The following CNTN6 variants were observed in gnomAD, a reference collection of about 807,000 sequenced individuals.
The protein encoded by CNTN6 is contactin-6.
In CNTN6, 137 loss-of-function variants were observed where a neutral mutation model predicts 122.8. The ratio of observed to expected loss-of-function variants is 1.12; its 90% CI spans 0.97 to 1.29. The LOEUF (loss-of-function observed/expected upper bound fraction) is 1.29. Ranked by LOEUF, CNTN6 falls within the 50% of genes most tolerant of loss-of-function variation. The probability of loss-of-function intolerance (pLI) is 0.00; values close to 1 mark genes in which losing one functional copy is unlikely to be tolerated. For synonymous variants in CNTN6, 570 were observed against 426.0 expected, an observed-to-expected ratio of 1.34 and a Z score of -4.16; for missense variants, 1,634 against 1,223.4, an observed-to-expected ratio of 1.34 and a Z score of -5.01.
intron 7 of CNTN6, among the ~76,000 whole-genome samples, chr3:1,304,585 G>A (rs1360742391): frequency 3.9e-5 from 6 of 152,034 alleles, no homozygotes; most frequent in African/African-American, 1.4e-4. Flanking sequence ...AAAGAATTCA[G>A]CAAAATGTTA....
At chr3:1,288,930 T>C (rs1192092555) in intron 5 of CNTN6, among the ~76,000 whole-genome samples, 2 of 152,132 alleles carry the variant, frequency 1.3e-5, no homozygotes, top group Non-Finnish European at 2.9e-5. Flanking sequence ...AATAATAAAA[T>C]TGTAGAGGAC....
rs116889570 is a variant in CNTN6 at position 1,185,742 on chromosome 3, T to C, written c.56-34945T>C. 7.2e-5 allele frequency among the ~76,000 whole-genome samples: 11 copies of C among 152,286 alleles called. No homozygotes were observed. In the East Asian group the frequency reaches 1.7e-3, roughly 24 times the overall value. ...TTCAAATCCTTGCTGTGCCCCTCTGTAAGCTTGAATAAATTATTTAATCCC... is the reference window on the plus strand; with the variant it reads ...TTCAAATCCTTGCTGTGCCCCTCTGCAAGCTTGAATAAATTATTTAATCCC... On this transcript the variant is annotated intron_variant, in intron 2 of 22. Coordinates refer to ENST00000446702, the MANE Select transcript of CNTN6 (RefSeq NM_001289080.2).
intron 11 of CNTN6, among the ~76,000 whole-genome samples, chr3:1,333,511 T>C (rs748222176): frequency 9.2e-5 from 14 of 152,044 alleles, no homozygotes; most frequent in Non-Finnish European, 1.5e-4. Context: ...AGTTCAAAAT[T>C]TTACAATGAT....
At chr3:1,184,931 T>G (rs1358033888) in intron 2 of CNTN6, among the ~76,000 whole-genome samples, 1 of 152,110 alleles carries the variant, frequency 6.6e-6, no homozygotes, top group Non-Finnish European at 1.5e-5. Context: ...TAAAAATATT[T>G]TGGCTGTGTT....
At chr3:1,203,729 G>A (rs1041487551) in intron 2 of CNTN6, among the ~76,000 whole-genome samples, 4 of 152,066 alleles carry the variant, frequency 2.6e-5, no homozygotes, top group African/African-American at 9.7e-5. Flanking sequence ...CTTGGGGTGC[G>A]TATGTATGTT....
At chr3:1,264,505 A>C (rs910941184) in intron 4 of CNTN6, among the ~76,000 whole-genome samples, 9 of 152,206 alleles carry the variant, frequency 5.9e-5, no homozygotes, top group Admixed American at 2.6e-4. Flanking sequence ...TAAAAGTTCC[A>C]GTTTCAGCTT....
At chr3:1,191,261 T>C (rs958627868) in intron 2 of CNTN6, among the ~76,000 whole-genome samples, 2 of 152,118 alleles carry the variant, frequency 1.3e-5, no homozygotes, top group African/African-American at 4.8e-5. Flanking sequence ...ATGTGACTCA[T>C]GGTGGGCTCC....
chr3:1,265,563 T>C (rs78733095), intron 4 of CNTN6, among the ~76,000 whole-genome samples: 2,170 of 152,340 alleles, frequency 0.014, 49 homozygotes, highest in African/African-American at 0.047. Context: ...TGTAGACATT[T>C]AGGGGAGGAG....
intron 4 of CNTN6, among the ~76,000 whole-genome samples, chr3:1,239,480 C>G (rs2094457484): frequency 6.6e-6 from 1 of 152,066 alleles, no homozygotes; most frequent in African/African-American, 2.4e-5. Context: ...TGTGAAAGAC[C>G]TCTACAAGGA....
At chr3:1,344,575 C>G (rs868624616) in intron 11 of CNTN6, among the ~76,000 whole-genome samples, 1 of 152,034 alleles carries the variant, frequency 6.6e-6, no homozygotes, top group South Asian at 2.1e-4. Flanking sequence ...GAGAGTGAAA[C>G]CTCTGCTAGA....
At chr3:1,393,413 G>T in intron 20 of CNTN6, among the ~76,000 whole-genome samples, 1 of 117,674 alleles carries the variant, frequency 8.5e-6, no homozygotes, top group Admixed American at 8.8e-5. Flanking sequence ...GTGGTGAGGT[G>T]GGGGGAGGGG....
At chr3:1,330,015 C>A in intron 11 of CNTN6, 80 bp downstream of exon 11, 5 of 1,072,774 alleles carry the variant, frequency 4.7e-6, no homozygotes, top group Non-Finnish European at 6.3e-6. Flanking sequence ...GTAGGCCTTT[C>A]AAAATTTCCT....
intron 4 of CNTN6, among the ~76,000 whole-genome samples, chr3:1,240,711 A>AG (rs1015932634): frequency 6.6e-6 from 1 of 151,874 alleles, no homozygotes; most frequent in African/African-American, 2.4e-5. Context: ...TATACTAAAA[A>AG]AAAAAAAAGA....
intron 12 of CNTN6, among the ~76,000 whole-genome samples, chr3:1,369,094 T>C (rs144184827): frequency 3.8e-4 from 58 of 152,298 alleles, no homozygotes; most frequent in African/African-American, 1.3e-3. Context: ...TCACACAGTT[T>C]CTCTGTGAAC....
intron 4 of CNTN6, among the ~76,000 whole-genome samples, chr3:1,241,996 AC>A (rs1482646588): frequency 1.3e-5 from 2 of 152,218 alleles, no homozygotes; most frequent in Admixed American, 1.3e-4. Context: ...GACCATGCTA[AC>A]CATGCCTAGG....
intron 20 of CNTN6, chr3:1,394,448 C>G (rs961831217): frequency 1.3e-5 from 2 of 157,396 alleles, no homozygotes; most frequent in African/African-American, 4.8e-5. Flanking sequence ...AGCCCCAGGC[C>G]GAGCTGGGTG....
chr3:1,300,835 A>G (rs981842886), intron 7 of CNTN6, among the ~76,000 whole-genome samples: 2 of 151,994 alleles, frequency 1.3e-5, no homozygotes, highest in Non-Finnish European at 2.9e-5. Flanking sequence ...CTCCACACAC[A>G]AATATATTTA....
intron 17 of CNTN6, among the ~76,000 whole-genome samples, chr3:1,379,989 C>A (rs155390): frequency 0.7 from 106,154 of 151,990 alleles, 37,337 homozygotes; most frequent in African/African-American, 0.79. Flanking sequence ...GAGAAAAGGT[C>A]TGAATGCTCA....
At position 1,352,452 on chromosome 3, in the gene CNTN6, G is replaced by GTATCATAT; in HGVS notation, c.1492+6_1492+13dup. On this transcript the variant is annotated splice_donor_variant, in intron 12 of 22. Coordinates refer to ENST00000446702, the MANE Select transcript of CNTN6 (RefSeq NM_001289080.2). LOFTEE classifies it high-confidence loss of function. ...AACACTGGCAGCCTCATTGTAAAAG[G>GTATCATAT]TATCATATTATCTTCATTTGTGCTT... is the stretch of plus-strand genomic sequence containing the variant. 1 of 1,609,296 alleles carries GTATCATAT rather than the reference G, an allele frequency of 6.2e-7. No individual in the cohort carries two copies. Among genetic ancestry groups the GTATCATAT allele is most frequent in the South Asian group, 1.1e-5 (1 of 90,906 alleles).
Sources: allele counts gnomAD v4.1 joint callset (sites outside exome capture counted in the v4.1 genomes callset), GRCh38; gene constraint gnomAD v4.1.1; transcripts MANE v1.5; gene names NCBI Gene and HGNC (gene_info 2026-07-23, HGNC 2026-07-21).